INSL6: variants seen among roughly 807,000 people sequenced by gnomAD.
INSL6 encodes the protein insulin like 6.
A neutral mutation model predicts 9.4 loss-of-function variants in INSL6; 16 were observed. The ratio of observed to expected loss-of-function variants is 1.70; its 90% CI spans 1.15 to 2.59. The LOEUF (loss-of-function observed/expected upper bound fraction) is 2.59. INSL6 is among the 30% of genes most tolerant of loss of function. The pLI is 0.00. For synonymous variants in INSL6, 154 were observed against 96.9 expected (o/e 1.59, Z -3.46); for missense variants, 391 against 257.3 (o/e 1.52, Z -3.56).
chr9:5,102,434 A>T, the INSL6 span, among the ~76,000 whole-genome samples: 1 of 152,236 alleles, frequency 6.6e-6, no homozygotes, highest in Non-Finnish European at 1.5e-5. Context: ...CCTGAAAGTG[A>T]CGGGGAGAAT....
intron 1 of INSL6, among the ~76,000 whole-genome samples, chr9:5,174,679 C>A (rs1280116778): frequency 6.6e-6 from 1 of 152,200 alleles, no homozygotes; most frequent in Non-Finnish European, 1.5e-5. Flanking sequence ...CCTACGACTT[C>A]TGAACTTCTA....
the INSL6 span, among the ~76,000 whole-genome samples, chr9:5,004,051 A>G: frequency 1.3e-5 from 2 of 152,198 alleles, no homozygotes; most frequent in Admixed American, 1.3e-4. Context: ...GGTGTACAAC[A>G]TGACATTTTG....
At chr9:5,179,145 T>C (rs374763249) in intron 1 of INSL6, among the ~76,000 whole-genome samples, 1 of 150,980 alleles carries the variant, frequency 6.6e-6, no homozygotes, top group African/African-American at 2.4e-5. Flanking sequence ...CCAGCATCTA[T>C]AAGTAACTTA....
At position 5,136,432 on chromosome 9, in the gene INSL6, C is replaced by T. The variant is rs142768244; in HGVS notation, c.377-2840G>A. 4.6e-5 allele frequency among the ~76,000 whole-genome samples: 7 copies of T among 152,064 alleles called. No homozygotes were observed. In the South Asian group the frequency reaches 1.0e-3, roughly 23 times the overall value. ...AAAAGCTTATCCACCATGATCAAGT[C>T]GGCTTCATTCCTAGGATGCAAAGCT... On this transcript the variant is annotated intron_variant, in intron 2 of 3. Coordinates refer to the INSL6 transcript ENST00000649639.
the INSL6 span, among the ~76,000 whole-genome samples, chr9:4,998,381 C>T: frequency 2.8e-4 from 43 of 152,132 alleles, no homozygotes; most frequent in African/African-American, 9.2e-4. Context: ...CTCAGCCTCC[C>T]GAGTAACTGG....
At chr9:5,027,521 G>A in the INSL6 span, among the ~76,000 whole-genome samples, 2 of 152,130 alleles carry the variant, frequency 1.3e-5, no homozygotes, top group African/African-American at 2.4e-5. Context: ...AGGTTGGGTG[G>A]CTATGGCAAT....
At chr9:5,054,602 C>T in the INSL6 span, 1 of 1,610,644 alleles carries the variant, frequency 6.2e-7, no homozygotes, top group South Asian at 1.1e-5. The surrounding 1 kb of genome is among the most constrained non-coding windows in gnomAD (Gnocchi z 4.9). Flanking sequence ...GAGCAAAGAT[C>T]CAAGACTATC....
the INSL6 span, chr9:5,089,633 G>C: frequency 1.0e-6 from 1 of 972,494 alleles, no homozygotes; most frequent in Non-Finnish European, 1.3e-6. Context: ...AATTTGCCTT[G>C]AAAACTTGGT....
At chr9:5,005,745 C>G in the INSL6 span, among the ~76,000 whole-genome samples, 1 of 152,156 alleles carries the variant, frequency 6.6e-6, no homozygotes, top group Non-Finnish European at 1.5e-5. Flanking sequence ...GTTTCTTCCT[C>G]AGACATTTGG....
the INSL6 span, chr9:5,065,165 A>T: frequency 1.9e-6 from 1 of 520,906 alleles, no homozygotes; most frequent in Non-Finnish European, 3.1e-6. Context: ...TTTAAACAAA[A>T]GGCTATTTGC....
the INSL6 span, among the ~76,000 whole-genome samples, chr9:5,093,596 C>A: frequency 6.6e-6 from 1 of 152,148 alleles, no homozygotes; most frequent in African/African-American, 2.4e-5. Context: ...AACCTACTAT[C>A]TCTGCATTAA....
chr9:5,089,167 T>A, the INSL6 span, among the ~76,000 whole-genome samples: 3 of 152,212 alleles, frequency 2.0e-5, no homozygotes, highest in Non-Finnish European at 4.4e-5. Context: ...TTGAAGAAAT[T>A]AAATTTACAG....
chr9:5,164,072 C>A lies in INSL6; in HGVS notation c.483G>T (p.Leu161Phe). Residue 161 changes from leucine to phenylalanine, a missense_variant, in exon 2 of 2, where the codon TTG (leucine) becomes TTT (phenylalanine). Leu to Phe is a conservative substitution (Grantham distance 22). Transcript: ENST00000381641. ...TTCTTTGGGGATGATGCCCCCAAAACAAATTGCTTAAGGTTTTAATTTTGT... is the reference window on the plus strand; with the variant it reads ...TTCTTTGGGGATGATGCCCCCAAAAAAAATTGCTTAAGGTTTTAATTTTGT... ...RRNKIKTLSNLFWGHHPQRKR... is the reference protein window; with the variant it reads ...RRNKIKTLSNFFWGHHPQRKR... The A allele has an allele frequency of 6.2e-7, 1 of 1,613,676 alleles. No homozygotes were observed.
chr9:5,091,843 G>GTTGT, the INSL6 span, among the ~76,000 whole-genome samples: 4 of 152,068 alleles, frequency 2.6e-5, no homozygotes, highest in African/African-American at 7.2e-5. Context: ...GTACTTTAAG[G>GTTGT]TTGTTAGTTA....
the INSL6 span, among the ~76,000 whole-genome samples, chr9:5,064,472 G>A: frequency 6.6e-6 from 1 of 151,546 alleles, no homozygotes; most frequent in African/African-American, 2.4e-5. Flanking sequence ...GGAGGTTGCA[G>A]TGAGCCAAGA....
chr9:5,023,771 G>C, the INSL6 span, among the ~76,000 whole-genome samples: 1 of 152,134 alleles, frequency 6.6e-6, no homozygotes, highest in African/African-American at 2.4e-5. Flanking sequence ...TTTTAGTGGG[G>C]AAGTGGATAT....
At chr9:5,044,905 A>G in the INSL6 span, among the ~76,000 whole-genome samples, 1 of 152,184 alleles carries the variant, frequency 6.6e-6, no homozygotes, top group Non-Finnish European at 1.5e-5. Context: ...GGCTTACACA[A>G]TGGACAATGA....
At chr9:5,078,224 T>A in the INSL6 span, 3 of 1,148,518 alleles carry the variant, frequency 2.6e-6, no homozygotes, top group Admixed American at 5.0e-5. Context: ...CTTCTTTAAA[T>A]CTGTTTTGGG....
the INSL6 span, among the ~76,000 whole-genome samples, chr9:5,063,224 TTAA>T: frequency 2.0e-5 from 3 of 152,168 alleles, no homozygotes; most frequent in African/African-American, 7.2e-5. Flanking sequence ...TTTCCAGGAG[TTAA>T]TTATTGCTTT....
Sources: gnomAD v4.1 joint callset for allele counts (sites outside exome capture counted in the v4.1 genomes callset) on GRCh38, gnomAD v4.1.1 for gene constraint, Gnocchi (gnomAD v3.1) non-coding constraint, MANE v1.5 for transcripts, NCBI Gene and HGNC (gene_info 2026-07-23, HGNC 2026-07-21) for gene names.